The following XKR6 variants were observed in gnomAD, a reference collection of about 807,000 sequenced individuals.
XKR6 encodes the protein XK related 6.
XKR6 carries 22 observed loss-of-function variants against 56.7 expected under a neutral mutation model. That is an observed-to-expected ratio of 0.39 (90% CI 0.28 to 0.55). XKR6 has a LOEUF of 0.55. XKR6 is among the 20% of genes least tolerant of loss of function. The pLI is 0.66. For synonymous variants in XKR6, 524 were observed against 387.8 expected (o/e 1.35, Z -4.13); for missense variants, 852 against 889.0 (o/e 0.96, Z 0.53).
chr8:11,013,661 T>C (rs947860102), intron 1 of XKR6, among the ~76,000 whole-genome samples: 1 of 152,230 alleles, frequency 6.6e-6, no homozygotes, highest in South Asian at 2.1e-4. Flanking sequence ...CATCCATTAA[T>C]TGAGTGCTCC....
chr8:11,187,408 A>G (rs1439472220), intron 1 of XKR6, among the ~76,000 whole-genome samples: 2 of 152,190 alleles, frequency 1.3e-5, no homozygotes, highest in Non-Finnish European at 2.9e-5. Flanking sequence ...GCATCGTGAC[A>G]CCATCGCTGA....
chr8:10,907,825 C>T (rs1035359435), intron 2 of XKR6, among the ~76,000 whole-genome samples: 2 of 152,196 alleles, frequency 1.3e-5, no homozygotes, highest in Non-Finnish European at 2.9e-5. Context: ...AGGACCCACC[C>T]CGCGGAGGCC....
chr8:10,929,736 G>T (rs759346053), intron 1 of XKR6, among the ~76,000 whole-genome samples: 3 of 152,194 alleles, frequency 2.0e-5, no homozygotes, highest in Non-Finnish European at 4.4e-5. Flanking sequence ...CCCCCTCAGA[G>T]GGTCACAGGG....
chr8:11,011,420 A>C (rs965597326), intron 1 of XKR6, among the ~76,000 whole-genome samples: 2 of 152,248 alleles, frequency 1.3e-5, no homozygotes, highest in Non-Finnish European at 2.9e-5. Context: ...GCTGGAAAGC[A>C]GGTGAGCACC....
chr8:10,898,868 G>C lies in XKR6; in HGVS notation c.1010C>G (p.Ser337Cys). 6.2e-7 allele frequency: 1 copy of C among 1,613,818 alleles called. No individual in the cohort carries two copies. The highest frequency in any genetic ancestry group is 8.5e-7 in the Non-Finnish European group (1 of 1,179,872). Residue 337 changes from serine to cysteine, a missense_variant, in exon 3 of 3, where the codon TCC becomes TGC. Ser to Cys is a moderately radical substitution (Grantham distance 112). Around this residue, in one of 4 missense-constraint regions of XKR6, gnomAD observed 199 missense variants for 280.4 expected, o/e 0.71. Coordinates refer to ENST00000416569, the MANE Select transcript of XKR6 (RefSeq NM_173683.4). The surrounding 1 kb of genome is among the most constrained non-coding windows in gnomAD (Gnocchi z 6.6). ...GGAGTCCCGCAGCAGCTTGTGATAG[G>C]AGGCTAGCACCCAAGCCAGGGACAT... ...SLMSLAWVLA[S>C]YHKLLRDSRD...
At chr8:10,973,540 C>A (rs185790850) in intron 1 of XKR6, among the ~76,000 whole-genome samples, 1 of 152,296 alleles carries the variant, frequency 6.6e-6, no homozygotes, top group Non-Finnish European at 1.5e-5. Flanking sequence ...TCAGGGAAAG[C>A]GTAAGGCTAC....
intron 1 of XKR6, among the ~76,000 whole-genome samples, chr8:10,988,377 A>AT (rs1268742997): frequency 1.2e-4 from 19 of 152,280 alleles, no homozygotes; most frequent in Admixed American, 5.2e-4. Context: ...ATACTCAGTC[A>AT]TTTTGTTTCG....
At chr8:11,146,963 C>G (rs934811739) in intron 1 of XKR6, among the ~76,000 whole-genome samples, 2 of 151,878 alleles carry the variant, frequency 1.3e-5, no homozygotes, top group Non-Finnish European at 2.9e-5. Context: ...TTGCCACAAG[C>G]TGGGGAAGAG....
intron 1 of XKR6, among the ~76,000 whole-genome samples, chr8:11,039,685 C>T (rs1754266307): frequency 1.3e-5 from 2 of 152,350 alleles, no homozygotes; most frequent in South Asian, 4.1e-4. Context: ...TCCACAAGGA[C>T]TCCCACCAAT....
intron 1 of XKR6, among the ~76,000 whole-genome samples, chr8:11,147,550 G>A (rs553068496): frequency 8.2e-4 from 125 of 151,976 alleles, no homozygotes; most frequent in African/African-American, 2.4e-3. Flanking sequence ...CAGCTACTCA[G>A]GAGGCTGAGA....
intron 1 of XKR6, chr8:11,062,703 A>G (rs181791139): frequency 4.8e-5 from 22 of 455,264 alleles, no homozygotes; most frequent in African/African-American, 3.6e-4. Flanking sequence ...AGTTTCATCT[A>G]TTTTATGGAA....
chr8:11,139,601 C>T (rs1331884554), intron 1 of XKR6, among the ~76,000 whole-genome samples: 1 of 152,122 alleles, frequency 6.6e-6, no homozygotes, highest in East Asian at 1.9e-4. Context: ...CGCTCCAAGC[C>T]AAGGCCTCAC....
chr8:10,919,984 T>C (rs1302894091), intron 2 of XKR6, among the ~76,000 whole-genome samples: 1 of 152,222 alleles, frequency 6.6e-6, no homozygotes. Context: ...GGAAATTGGA[T>C]TATAAGTGTG....
At position 11,137,761 on chromosome 8, in the gene XKR6, G is replaced by T. The variant is rs559231532; in HGVS notation, c.764+62815C>A. Reference sequence around the variant, plus strand: ...TTGGCTCTGAATCGAATCCTGCTCCGGTCCTCTTTCTCTTTACCATTTCCC... The same window carrying T: ...TTGGCTCTGAATCGAATCCTGCTCCTGTCCTCTTTCTCTTTACCATTTCCC... On this transcript the variant is annotated intron_variant, in intron 1 of 2. Coordinates refer to ENST00000416569, the MANE Select transcript of XKR6 (RefSeq NM_173683.4). 24 of 451,484 alleles carry T rather than the reference G, an allele frequency of 5.3e-5. No individual in the cohort carries two copies. In the East Asian group the frequency reaches 1.7e-3, roughly 32 times the overall value. 28.0% of individuals were successfully genotyped at this position (451,484 alleles called of 1,614,324 possible).
chr8:11,073,042 TC>T (rs1800174834), intron 1 of XKR6, among the ~76,000 whole-genome samples: 1 of 151,974 alleles, frequency 6.6e-6, no homozygotes, highest in African/African-American at 2.4e-5. Flanking sequence ...AGAGCGAGAC[TC>T]CATCTCAAAA....
intron 2 of XKR6, among the ~76,000 whole-genome samples, chr8:10,909,432 C>T (rs184751387): frequency 6.6e-6 from 1 of 152,186 alleles, no homozygotes. Context: ...GCATTTTGCA[C>T]CATCTTGATC....
At chr8:11,118,416 C>A (rs1799283639) in intron 1 of XKR6, among the ~76,000 whole-genome samples, 1 of 152,194 alleles carries the variant, frequency 6.6e-6, no homozygotes, top group South Asian at 2.1e-4. Flanking sequence ...TGGTAGAATT[C>A]ATCTGTGAAA....
intron 1 of XKR6, among the ~76,000 whole-genome samples, chr8:11,173,823 T>C (rs1157882772): frequency 2.0e-5 from 3 of 152,128 alleles, no homozygotes; most frequent in East Asian, 1.9e-4. Context: ...TGCCAGTATG[T>C]ACCCACCCAC....
At chr8:10,899,050 G>A in intron 2 of XKR6, 134 bp from the exon 3 acceptor site, 1 of 1,374,010 alleles carries the variant, frequency 7.3e-7, no homozygotes. Flanking sequence ...ACAGAATCAG[G>A]AACCGAACTT....
Sources: gnomAD v4.1 joint callset for allele counts (sites outside exome capture counted in the v4.1 genomes callset) on GRCh38, gnomAD v4.1.1 for gene constraint, gnomAD v4.1.1 regional missense constraint, Gnocchi (gnomAD v3.1) non-coding constraint, MANE v1.5 for transcripts, NCBI Gene and HGNC (gene_info 2026-07-23, HGNC 2026-07-21) for gene names.